The following NBAS variants were observed in gnomAD, a reference collection of about 807,000 sequenced individuals.
NBAS encodes the protein NBAS subunit of NRZ tethering complex, also known as NAG/BC035112 fusion.
In NBAS, 219 loss-of-function variants were observed where a neutral mutation model predicts 302.5. The observed-to-expected ratio is 0.72, with a 90% CI of 0.65 to 0.81. NBAS has a LOEUF of 0.81. NBAS is among the 30% of genes least tolerant of loss of function. NBAS has a pLI of 0.00. For synonymous variants in NBAS, 1,118 were observed against 1,021.6 expected (o/e 1.09, Z -1.80); for missense variants, 2,932 against 2,841.6 (o/e 1.03, Z -0.72).
At chr2:15,499,902 G>C (rs1316729264) in intron 11 of NBAS, among the ~76,000 whole-genome samples, 1 of 152,036 alleles carries the variant, frequency 6.6e-6, no homozygotes, top group African/African-American at 2.4e-5. Context: ...AAATTGTCAT[G>C]AAATACGGCT....
At chr2:15,349,059 A>G (rs1164437798) in intron 35 of NBAS, among the ~76,000 whole-genome samples, 2 of 152,206 alleles carry the variant, frequency 1.3e-5, no homozygotes, top group Non-Finnish European at 2.9e-5. Flanking sequence ...AACTCTATAA[A>G]ATAACACTAA....
intron 22 of NBAS, among the ~76,000 whole-genome samples, chr2:15,427,384 T>C (rs1278506765): frequency 6.6e-6 from 1 of 151,642 alleles, no homozygotes; most frequent in African/African-American, 2.4e-5. Context: ...TTAAAACTGA[T>C]CAAGAACAAA....
chr2:15,017,575 C>G, the NBAS span, among the ~76,000 whole-genome samples: 1 of 151,646 alleles, frequency 6.6e-6, no homozygotes, highest in South Asian at 2.1e-4. Context: ...TAAGAAACAT[C>G]ACTAATTATC....
the NBAS span, among the ~76,000 whole-genome samples, chr2:15,001,889 G>C: frequency 2.0e-5 from 3 of 152,122 alleles, no homozygotes; most frequent in Non-Finnish European, 4.4e-5. Flanking sequence ...ATTGCAAAGA[G>C]CGAAAGAACA....
the NBAS span, among the ~76,000 whole-genome samples, chr2:14,786,043 G>C: frequency 6.6e-6 from 1 of 152,306 alleles, no homozygotes; most frequent in Middle Eastern, 3.4e-3. Context: ...TCAAGGTTTA[G>C]TCTTGGGAGG....
At chr2:15,233,671 C>T (rs1667472610) in intron 46 of NBAS, among the ~76,000 whole-genome samples, 1 of 151,988 alleles carries the variant, frequency 6.6e-6, no homozygotes, top group South Asian at 2.1e-4. Flanking sequence ...GAAATTTGTT[C>T]TTTTTTAGAA....
chr2:15,303,948 C>A (rs1413557572), intron 40 of NBAS, among the ~76,000 whole-genome samples: 1 of 152,132 alleles, frequency 6.6e-6, no homozygotes, highest in African/African-American at 2.4e-5. Flanking sequence ...GGATTTAGAG[C>A]AAGCAGCAAG....
At chr2:15,442,521 A>C (rs542056713) in intron 21 of NBAS, among the ~76,000 whole-genome samples, 112 of 152,200 alleles carry the variant, frequency 7.4e-4, no homozygotes, top group Non-Finnish European at 1.4e-3. Context: ...TGGGAAATTT[A>C]TAGCACTAAA....
At chr2:15,200,016 C>T (rs1665803496) in intron 48 of NBAS, among the ~76,000 whole-genome samples, 1 of 151,702 alleles carries the variant, frequency 6.6e-6, no homozygotes, top group South Asian at 2.1e-4. Flanking sequence ...GACCCTCCCA[C>T]CTCAGCCTCC....
the NBAS span, among the ~76,000 whole-genome samples, chr2:15,099,261 A>G: frequency 6.6e-6 from 1 of 151,704 alleles, no homozygotes; most frequent in East Asian, 1.9e-4. Context: ...GCTCCACTGC[A>G]CTCCAGCCTG....
chr2:15,206,624 C>T (rs1016485712), intron 48 of NBAS, among the ~76,000 whole-genome samples: 17 of 152,228 alleles, frequency 1.1e-4, no homozygotes, highest in African/African-American at 2.2e-4. Flanking sequence ...AGGCCCAGGG[C>T]GCCACTGCTC....
chr2:15,349,219 A>G (rs1373091595), intron 35 of NBAS, among the ~76,000 whole-genome samples: 1 of 152,202 alleles, frequency 6.6e-6, no homozygotes, highest in East Asian at 1.9e-4. Flanking sequence ...AGAGGTTCAA[A>G]AGGAACAAAA....
intron 38 of NBAS, among the ~76,000 whole-genome samples, chr2:15,315,942 AAACCCAC>A (rs1671488116): frequency 2.0e-5 from 3 of 152,164 alleles, no homozygotes; most frequent in South Asian, 2.1e-4. Flanking sequence ...GTAGAAATCA[AAACCCAC>A]ACTTGGAAGT....
At chr2:14,900,335 C>T in the NBAS span, among the ~76,000 whole-genome samples, 1 of 152,106 alleles carries the variant, frequency 6.6e-6, no homozygotes, top group Non-Finnish European at 1.5e-5. Flanking sequence ...ATCAATTTTC[C>T]CACTAAATGT....
At chr2:14,843,557 GACAC>G in the NBAS span, among the ~76,000 whole-genome samples, 9 of 147,018 alleles carry the variant, frequency 6.1e-5, no homozygotes, top group South Asian at 2.2e-4. Context: ...TACAGACACA[GACAC>G]ACACACACAC....
At chr2:14,880,457 T>A in the NBAS span, among the ~76,000 whole-genome samples, 899 of 152,060 alleles carry the variant, frequency 5.9e-3, 10 homozygotes, top group African/African-American at 0.021. Flanking sequence ...AACAATATCA[T>A]TAATTAGAAA....
chr2:15,558,589 C>T lies in NBAS; in HGVS notation c.163G>A (p.Ala55Thr). Residue 55 changes from alanine (A) to threonine (T), a missense_variant, in exon 2 of 52, where the codon GCA becomes ACA. Physicochemically the swap from Ala to Thr is moderately conservative, Grantham distance 58 (BLOSUM62 0). Coordinates refer to ENST00000281513, the MANE Select transcript of NBAS (RefSeq NM_015909.4). ...KHGASFIITK[A>T]IRDRLLFLRQ... ...AATAAGCTATATTTACCTCGAATTG[C>T]TTTCGTGATGATAAAGGATGCACCA... 1 of 1,612,638 alleles carries T rather than the reference C, an allele frequency of 6.2e-7. No individual in the cohort carries two copies. Among genetic ancestry groups the T allele is most frequent in the Non-Finnish European group, 8.5e-7 (1 of 1,179,292 alleles).
intron 47 of NBAS, among the ~76,000 whole-genome samples, chr2:15,229,347 C>CAAAAAAAAAAAAA (rs61152926): frequency 2.0e-4 from 15 of 76,916 alleles, no homozygotes; most frequent in Non-Finnish European, 2.7e-4. Flanking sequence ...TCTCAAAAAA[C>CAAAAAAAAAAAAA]AAAAAAAAAA....
At chr2:14,828,378 A>T in the NBAS span, among the ~76,000 whole-genome samples, 1 of 152,072 alleles carries the variant, frequency 6.6e-6, no homozygotes, top group South Asian at 2.1e-4. Context: ...CCCATGAAAA[A>T]GCCAGAGGAT....
Sources: allele counts gnomAD v4.1 joint callset (sites outside exome capture counted in the v4.1 genomes callset), GRCh38; gene constraint gnomAD v4.1.1; transcripts MANE v1.5; gene names NCBI Gene and HGNC (gene_info 2026-07-23, HGNC 2026-07-21).